CNTNAP2: variants seen among roughly 807,000 people sequenced by gnomAD.
The protein encoded by CNTNAP2 is contactin-associated protein-like 2.
CNTNAP2 carries 98 observed loss-of-function variants against 155.2 expected under a neutral mutation model. That is an observed-to-expected ratio of 0.63 (90% CI 0.54 to 0.75). The LOEUF (loss-of-function observed/expected upper bound fraction) is 0.75, where lower values mean the gene tolerates loss of function less well. CNTNAP2 is among the 30% of genes least tolerant of loss of function. The probability of loss-of-function intolerance (pLI) is 0.00; values close to 1 mark genes in which losing one functional copy is unlikely to be tolerated. For missense variants in CNTNAP2, 1,727 were observed against 1,688.1 expected (o/e 1.02, Z -0.40); for synonymous variants, 651 against 631.2 (o/e 1.03, Z -0.47).
intron 18 of CNTNAP2, among the ~76,000 whole-genome samples, chr7:148,173,317 A>T (rs1794865340): frequency 6.6e-6 from 1 of 152,232 alleles, no homozygotes; most frequent in Non-Finnish European, 1.5e-5. Context: ...ATTGAAATGC[A>T]TGTAAATCAC....
intron 1 of CNTNAP2, among the ~76,000 whole-genome samples, chr7:146,304,955 G>C (rs1800682575): frequency 1.3e-5 from 2 of 151,968 alleles, no homozygotes; most frequent in African/African-American, 4.8e-5. Flanking sequence ...TTTCTTGGAG[G>C]CTTTGTTCAT....
chr7:148,057,756 A>G (rs184720144), intron 15 of CNTNAP2, among the ~76,000 whole-genome samples: 6 of 152,280 alleles, frequency 3.9e-5, no homozygotes, highest in Admixed American at 2.0e-4. Flanking sequence ...AAGTATTACT[A>G]GAAGACAAGC....
At chr7:146,837,158 C>A (rs1419405665) in intron 2 of CNTNAP2, among the ~76,000 whole-genome samples, 2 of 152,042 alleles carry the variant, frequency 1.3e-5, no homozygotes, top group African/African-American at 2.4e-5. Flanking sequence ...CTGACCCAAT[C>A]TCTGTCATCT....
intron 8 of CNTNAP2, among the ~76,000 whole-genome samples, chr7:147,159,936 A>G (rs1013450081): frequency 2.0e-5 from 3 of 147,690 alleles, no homozygotes; most frequent in Non-Finnish European, 4.4e-5. Context: ...TATGAATCAA[A>G]GTTTTTTTTT....
intron 2 of CNTNAP2, among the ~76,000 whole-genome samples, chr7:146,820,858 T>C (rs1480724827): frequency 3.3e-5 from 5 of 152,176 alleles, no homozygotes; most frequent in Non-Finnish European, 7.4e-5. Flanking sequence ...CTGTATTGGG[T>C]GCATATATAT....
chr7:147,516,304 T>G (rs957579512), intron 11 of CNTNAP2, among the ~76,000 whole-genome samples: 2 of 152,224 alleles, frequency 1.3e-5, no homozygotes, highest in East Asian at 3.8e-4. Flanking sequence ...TGATTCACTA[T>G]GTACAGTTTA....
At chr7:146,472,822 C>A (rs193086200) in intron 1 of CNTNAP2, among the ~76,000 whole-genome samples, 185 of 151,848 alleles carry the variant, frequency 1.2e-3, no homozygotes, top group African/African-American at 4.2e-3. Flanking sequence ...CTTGGACGAT[C>A]CAATGCACTT....
At chr7:148,363,561 C>G (rs1008058853) in intron 21 of CNTNAP2, among the ~76,000 whole-genome samples, 9 of 152,214 alleles carry the variant, frequency 5.9e-5, no homozygotes. Flanking sequence ...GGAGGAACCT[C>G]TGTACGTGTG....
chr7:147,182,583 TC>T (rs1339929358), intron 8 of CNTNAP2, among the ~76,000 whole-genome samples: 2 of 152,098 alleles, frequency 1.3e-5, no homozygotes, highest in African/African-American at 4.8e-5. Context: ...TTTACTAAAC[TC>T]TACTCATTGC....
chr7:147,801,670 C>A (rs1236962327), intron 13 of CNTNAP2, among the ~76,000 whole-genome samples: 3 of 152,206 alleles, frequency 2.0e-5, no homozygotes, highest in Non-Finnish European at 4.4e-5. Context: ...GATCCCAAGA[C>A]AGAAGAATTT....
intron 17 of CNTNAP2, among the ~76,000 whole-genome samples, chr7:148,152,900 A>C (rs976465567): frequency 5.3e-5 from 8 of 151,748 alleles, no homozygotes; most frequent in Non-Finnish European, 1.0e-4. Context: ...AGGCGCCTGT[A>C]GTCCCAGCTA....
At chr7:147,675,333 T>TC (rs1795851984) in intron 13 of CNTNAP2, among the ~76,000 whole-genome samples, 1 of 152,164 alleles carries the variant, frequency 6.6e-6, no homozygotes, top group East Asian at 1.9e-4. Context: ...TCTGCAAAAA[T>TC]CCAACTTTTC....
At chr7:147,665,674 AT>A (rs1383761245) in intron 13 of CNTNAP2, among the ~76,000 whole-genome samples, 1 of 152,114 alleles carries the variant, frequency 6.6e-6, no homozygotes, top group Admixed American at 6.5e-5. Context: ...CTGTCTGTCC[AT>A]GTGTTCACAT....
At chr7:148,308,091 C>T (rs1042538314) in intron 21 of CNTNAP2, among the ~76,000 whole-genome samples, 8 of 152,124 alleles carry the variant, frequency 5.3e-5, no homozygotes, top group Non-Finnish European at 1.2e-4. Flanking sequence ...AAGAAATTTA[C>T]AAGTAATTTT....
At chr7:148,084,248 T>C (rs1803673199) in intron 15 of CNTNAP2, among the ~76,000 whole-genome samples, 1 of 152,214 alleles carries the variant, frequency 6.6e-6, no homozygotes, top group Non-Finnish European at 1.5e-5. Flanking sequence ...TGCCACCTGG[T>C]GGAAGCCACA....
chr7:147,665,498 A>C (rs1795678452), intron 13 of CNTNAP2, among the ~76,000 whole-genome samples: 2 of 152,234 alleles, frequency 1.3e-5, no homozygotes. Context: ...GTTTAGGGAT[A>C]CAAGGGCAGA....
At chr7:147,723,365 A>T (rs1191621650) in intron 13 of CNTNAP2, among the ~76,000 whole-genome samples, 1 of 152,082 alleles carries the variant, frequency 6.6e-6, no homozygotes, top group Non-Finnish European at 1.5e-5. Flanking sequence ...GCAATGAAAT[A>T]AGGACAGAAC....
intron 2 of CNTNAP2, among the ~76,000 whole-genome samples, chr7:146,788,159 C>T (rs764068464): frequency 1.4e-4 from 22 of 152,300 alleles, no homozygotes; most frequent in Non-Finnish European, 2.4e-4. Flanking sequence ...CCAGCAGGCG[C>T]GGGCTGGCCA....
chr7:147,239,836 A>G (rs1344609181), intron 8 of CNTNAP2, among the ~76,000 whole-genome samples: 3 of 152,208 alleles, frequency 2.0e-5, no homozygotes, highest in Admixed American at 6.5e-5. Context: ...TTTCCACAAT[A>G]CTGAGTCAAG....
Sources: gnomAD v4.1 joint callset for allele counts (sites outside exome capture counted in the v4.1 genomes callset) on GRCh38, gnomAD v4.1.1 for gene constraint, MANE v1.5 for transcripts, NCBI Gene and HGNC (gene_info 2026-07-23, HGNC 2026-07-21) for gene names.